Variants in GJA8 observed in about 807,000 individuals in gnomAD.
GJA8 encodes the protein gap junction protein alpha 8.
Under a neutral mutation model 15.3 loss-of-function variants are expected in GJA8, and 13 were observed. The observed-to-expected ratio is 0.85, with a 90% CI of 0.55 to 1.35. GJA8 has a LOEUF of 1.35. GJA8 is among the 40% of genes most tolerant of loss of function. The pLI, the probability that GJA8 is intolerant of heterozygous loss-of-function variation, is 0.00. For missense variants in GJA8, 607 were observed against 553.3 expected (o/e 1.10, Z -0.97); for synonymous variants, 304 against 238.7 (o/e 1.27, Z -2.52).
Position 147,908,701 on chromosome 1 carries a change from A to C in GJA8, c.746A>C (p.Glu249Ala). 6.2e-7 allele frequency: 1 copy of C among 1,614,124 alleles called. No homozygotes were observed. Among genetic ancestry groups the C allele is most frequent in the Non-Finnish European group, 8.5e-7 (1 of 1,180,004 alleles). ...PVEQPLGEIP[E>A]KSLHSIAVSS... ...GAGCAGCCCCTGGGGGAGATTCCTGAGAAATCCCTCCACTCCATTGCTGTC... is the reference window on the plus strand; with the variant it reads ...GAGCAGCCCCTGGGGGAGATTCCTGCGAAATCCCTCCACTCCATTGCTGTC... The change falls in exon 2 of 2, where the codon GAG becomes GCG. Residue 249 changes from glutamate to alanine, a missense_variant. By Grantham distance (107) the Glu-to-Ala change is moderately radical. Transcript: ENST00000369235.
chr1:147,905,960 AG>A (rs1401677213), intron 1 of GJA8, among the ~76,000 whole-genome samples: 1 of 152,202 alleles, frequency 6.6e-6, no homozygotes. Context: ...CCTCAAGAGG[AG>A]GAGCACTCTC....
At chr1:147,905,962 G>A (rs2149014196) in intron 1 of GJA8, among the ~76,000 whole-genome samples, 1 of 152,312 alleles carries the variant, frequency 6.6e-6, no homozygotes, top group South Asian at 2.1e-4. Flanking sequence ...TCAAGAGGAG[G>A]AGCACTCTCT....
intron 1 of GJA8, among the ~76,000 whole-genome samples, chr1:147,904,401 T>C (rs930635785): frequency 7.9e-5 from 12 of 152,160 alleles, no homozygotes; most frequent in Non-Finnish European, 1.3e-4. Flanking sequence ...TGAAAATGTA[T>C]CACTTAGATC....
intron 1 of GJA8, among the ~76,000 whole-genome samples, chr1:147,905,090 T>G (rs769862348): frequency 1.3e-5 from 2 of 152,208 alleles, no homozygotes; most frequent in African/African-American, 4.8e-5. Context: ...CTATCCTTTT[T>G]GTTATTTACC....
At chr1:147,909,332 T>C, downstream of GJA8, 5 of 1,102,172 alleles carry the variant, frequency 4.5e-6, no homozygotes, top group Non-Finnish European at 6.8e-6. Flanking sequence ...GCCAACATGA[T>C]CTGAATCTTC....
At chr1:147,910,115 C>T (rs782784910), downstream of GJA8, among the ~76,000 whole-genome samples, 2 of 152,234 alleles carry the variant, frequency 1.3e-5, no homozygotes, top group Non-Finnish European at 2.9e-5. Flanking sequence ...CCACCTCAGC[C>T]TCCTATAATG....
downstream of GJA8, among the ~76,000 whole-genome samples, chr1:147,912,503 C>T (rs1348168923): frequency 1.3e-5 from 2 of 152,118 alleles, no homozygotes; most frequent in Non-Finnish European, 2.9e-5. Flanking sequence ...ACAAACACAG[C>T]CAGTTTCCAT....
chr1:147,908,548 G>C lies in GJA8; in HGVS notation c.593G>C (p.Arg198Pro). The change falls in exon 2 of 2, where the codon CGG becomes CCG. Residue 198 changes from arginine (R) to proline (P), a missense_variant. Coordinates refer to ENST00000369235, the MANE Select transcript of GJA8 (RefSeq NM_005267.5). Reference sequence around the variant, plus strand: ...AATGTGGTGGACTGCTTCGTGTCCCGGCCCACGGAGAAAACCATCTTCATC... The same window carrying C: ...AATGTGGTGGACTGCTTCGTGTCCCCGCCCACGGAGAAAACCATCTTCATC... ...CPNVVDCFVS[R>P]PTEKTIFILF... is the part of the protein sequence containing the mutation. 3 of 1,614,108 alleles carry C rather than the reference G, an allele frequency of 1.9e-6. No homozygotes were observed. The highest frequency in any genetic ancestry group is 2.5e-6 in the Non-Finnish European group (3 of 1,180,024).
At chr1:147,906,319 T>C (rs1651796199) in intron 1 of GJA8, among the ~76,000 whole-genome samples, 1 of 152,196 alleles carries the variant, frequency 6.6e-6, no homozygotes, top group African/African-American at 2.4e-5. Flanking sequence ...TCCATTGAGG[T>C]GGAAGTTTTG....
chr1:147,906,628 G>T (rs115514588), intron 1 of GJA8, among the ~76,000 whole-genome samples: 9 of 152,136 alleles, frequency 5.9e-5, no homozygotes, highest in African/African-American at 1.9e-4. Flanking sequence ...ATTTAAAAGA[G>T]TAATAATAAA....
At chr1:147,906,829 C>G (rs28689190) in intron 1 of GJA8, among the ~76,000 whole-genome samples, 1 of 152,204 alleles carries the variant, frequency 6.6e-6, no homozygotes, top group Non-Finnish European at 1.5e-5. Flanking sequence ...TGCTATTTAG[C>G]TGTCTAATCT....
chr1:147,909,484 A>C (rs1652009252), downstream of GJA8, among the ~76,000 whole-genome samples: 1 of 152,120 alleles, frequency 6.6e-6, no homozygotes, highest in Admixed American at 6.5e-5. Context: ...AAAGTTCCCC[A>C]GTCTCATAGG....
chr1:147,903,538 G>T (rs1218181796), intron 1 of GJA8, among the ~76,000 whole-genome samples: 11 of 152,134 alleles, frequency 7.2e-5, no homozygotes, highest in Admixed American at 5.2e-4. Flanking sequence ...CCAGAGGAGG[G>T]CTATGCTGTA....
chr1:147,908,177 C>A lies in GJA8; in HGVS notation c.222C>A (p.His74Gln). 1 of 1,614,260 alleles carries A rather than the reference C, an allele frequency of 6.2e-7. No individual in the cohort carries two copies. The highest frequency in any genetic ancestry group is 8.5e-7 in the Non-Finnish European group (1 of 1,180,046). The change falls in exon 2 of 2, where the codon CAC becomes CAA. Residue 74 changes from histidine to glutamine, a missense_variant. His to Gln is a conservative substitution (Grantham distance 24). Coordinates refer to ENST00000369235, the MANE Select transcript of GJA8 (RefSeq NM_005267.5). The part of the protein sequence containing the change: ...VCYDEAFPIS[H>Q]IRLWVLQIIF... ...ACGACGAGGCCTTTCCCATCTCCCA[C>A]ATTCGCCTCTGGGTGCTGCAGATCA...
In GJA8 at chr1:147,908,721, G is replaced by T. The variant is rs781935925; in HGVS notation, c.766G>T (p.Ala256Ser). The stretch of plus-strand genomic sequence containing the variant: ...TCCTGAGAAATCCCTCCACTCCATT[G>T]CTGTCTCCTCCATCCAGAAAGCCAA... Reference protein sequence around the residue: ...EIPEKSLHSIAVSSIQKAKGY... With the variant: ...EIPEKSLHSISVSSIQKAKGY... Residue 256 changes from alanine (A) to serine (S), a missense_variant, in exon 2 of 2, where the codon GCT (alanine) becomes TCT (serine). Coordinates refer to ENST00000369235, the MANE Select transcript of GJA8 (RefSeq NM_005267.5). 30 of 1,614,102 alleles carry T rather than the reference G, an allele frequency of 1.9e-5. No homozygotes were observed. Among genetic ancestry groups the T allele is most frequent in the Non-Finnish European group, 2.4e-5 (28 of 1,179,986 alleles).
intron 1 of GJA8, among the ~76,000 whole-genome samples, chr1:147,906,574 C>T (rs1294643869): frequency 6.6e-6 from 1 of 152,190 alleles, no homozygotes; most frequent in African/African-American, 2.4e-5. Context: ...CCTTCCTCAT[C>T]CTGTGACATG....
rs781871271 is a variant in GJA8 at position 147,908,971 on chromosome 1, A to C, written c.1016A>C (p.Glu339Ala). ...QEVEGEGPPA[E>A]EGAEPEVGEK... is the part of the protein sequence containing the mutation. The stretch of plus-strand genomic sequence containing the variant: ...GTGGAGGGCGAGGGGCCGCCTGCAG[A>C]GGAGGGAGCCGAACCCGAGGTGGGA... Residue 339 changes from glutamate (E) to alanine (A), a missense_variant, in exon 2 of 2, where the codon GAG becomes GCG. By Grantham distance (107) the Glu-to-Ala change is moderately radical. Coordinates refer to ENST00000369235, the MANE Select transcript of GJA8 (RefSeq NM_005267.5). The C allele has an allele frequency of 1.2e-6, 2 of 1,600,812 alleles. No homozygotes were observed. Among genetic ancestry groups the C allele is most frequent in the Non-Finnish European group, 1.7e-6 (2 of 1,172,392 alleles).
intron 1 of GJA8, among the ~76,000 whole-genome samples, chr1:147,904,131 C>T (rs1651705279): frequency 6.6e-6 from 1 of 152,038 alleles, no homozygotes; most frequent in Non-Finnish European, 1.5e-5. Flanking sequence ...TAGGGTTTCA[C>T]CCTGTTGGCC....
rs587603962 is a variant in GJA8 at position 147,908,087 on chromosome 1, G to C, written c.132G>C (p.Val44=). The C allele has an allele frequency of 6.2e-7, 1 of 1,614,214 alleles. No homozygotes were observed. The highest frequency in any genetic ancestry group is 1.3e-5 in the African/African-American group (1 of 75,052). The change falls in exon 2 of 2, where the codon GTG becomes GTC. Residue 44 remains valine, a synonymous_variant. Transcript: ENST00000369235. ...ILILGTAAEF[V]WGDEQSDFVC... ...TCCTTGGCACGGCCGCAGAGTTCGT[G>C]TGGGGGGATGAGCAATCCGACTTCG...
Sources: gnomAD v4.1 joint callset for allele counts (sites outside exome capture counted in the v4.1 genomes callset) on GRCh38, gnomAD v4.1.1 for gene constraint, MANE v1.5 for transcripts, NCBI Gene and HGNC (gene_info 2026-07-23, HGNC 2026-07-21) for gene names.